ANXA8: variants seen among roughly 807,000 people sequenced by gnomAD.
ANXA8 encodes the protein annexin A8.
ANXA8 carries 9 observed loss-of-function variants against 26.8 expected under a neutral mutation model. The ratio of observed to expected loss-of-function variants is 0.34; its 90% CI spans 0.20 to 0.59. ANXA8 has a LOEUF of 0.59. Among genes scored for constraint, ANXA8 ranks in the 20% least tolerant of loss-of-function variants. ANXA8 has a pLI of 0.84. For missense variants in ANXA8, 83 were observed against 238.5 expected, an observed-to-expected ratio of 0.35 and a Z score of 4.29; for synonymous variants, 39 against 94.8, an observed-to-expected ratio of 0.41 and a Z score of 3.42.
the ANXA8 span, among the ~76,000 whole-genome samples, chr10:47,540,528 C>T: frequency 1.7e-5 from 2 of 117,014 alleles, no homozygotes; most frequent in African/African-American, 6.2e-5. Flanking sequence ...AAGCTAAAAA[C>T]GCATGATCCT....
At chr10:47,988,749 G>T in the ANXA8 span, among the ~76,000 whole-genome samples, 2 of 151,278 alleles carry the variant, frequency 1.3e-5, no homozygotes, top group African/African-American at 4.9e-5. Flanking sequence ...GGCCCAGAGA[G>T]TCTTCTCAGA....
chr10:47,683,078 T>G, the ANXA8 span, among the ~76,000 whole-genome samples: 3 of 152,258 alleles, frequency 2.0e-5, no homozygotes, highest in South Asian at 2.1e-4. Flanking sequence ...GCTATTACTT[T>G]GAGATACTAA....
chr10:47,717,867 G>A, the ANXA8 span, among the ~76,000 whole-genome samples: 16 of 151,818 alleles, frequency 1.1e-4, no homozygotes, highest in Admixed American at 2.0e-4. Context: ...GCATGATGTC[G>A]GGTGCCTGTA....
At chr10:47,699,874 TAAC>T in the ANXA8 span, among the ~76,000 whole-genome samples, 5 of 151,564 alleles carry the variant, frequency 3.3e-5, no homozygotes, top group East Asian at 1.9e-4. Context: ...TATACACAAA[TAAC>T]AAACAGAGGG....
the ANXA8 span, among the ~76,000 whole-genome samples, chr10:47,743,341 CATAT>C: frequency 7.8e-3 from 419 of 53,696 alleles, 9 homozygotes; most frequent in African/African-American, 0.02. Flanking sequence ...TATATATATA[CATAT>C]ATATATATAC....
At chr10:47,546,890 A>G in the ANXA8 span, among the ~76,000 whole-genome samples, 1 of 131,646 alleles carries the variant, frequency 7.6e-6, no homozygotes, top group African/African-American at 2.7e-5. Flanking sequence ...TTCAAAACCC[A>G]AAACCACAGA....
the ANXA8 span, among the ~76,000 whole-genome samples, chr10:47,957,800 C>A: frequency 6.7e-6 from 1 of 149,140 alleles, no homozygotes; most frequent in Admixed American, 6.7e-5. Flanking sequence ...CTCCCATAGC[C>A]TTCTCCTCTG....
At chr10:47,698,780 A>G in the ANXA8 span, among the ~76,000 whole-genome samples, 3 of 152,032 alleles carry the variant, frequency 2.0e-5, no homozygotes, top group Admixed American at 6.5e-5. Context: ...GTGAGCCATG[A>G]TTGTACCACA....
the ANXA8 span, chr10:47,762,655 A>G: frequency 1.3e-6 from 1 of 753,864 alleles, no homozygotes; most frequent in African/African-American, 2.0e-5. Context: ...CTGCTCCCGC[A>G]GGCTGGTCTC....
chr10:47,551,756 C>G, the ANXA8 span: 1 of 310,208 alleles, frequency 3.2e-6, no homozygotes, highest in Non-Finnish European at 6.1e-6. Flanking sequence ...GTGAAAGGAT[C>G]GAGACATCCA....
the ANXA8 span, among the ~76,000 whole-genome samples, chr10:47,951,216 G>A: frequency 9.3e-5 from 14 of 150,160 alleles, no homozygotes; most frequent in African/African-American, 3.2e-4. Flanking sequence ...TTTTTCAAAA[G>A]AAAAATTACT....
At chr10:47,633,647 A>T in the ANXA8 span, among the ~76,000 whole-genome samples, 726 of 114,358 alleles carry the variant, frequency 6.3e-3, 4 homozygotes, top group African/African-American at 0.029. Context: ...TCCCGCTCTG[A>T]AAAGCTTGTA....
the ANXA8 span, chr10:47,565,716 T>A: frequency 2.0e-6 from 1 of 502,766 alleles, no homozygotes; most frequent in Non-Finnish European, 3.1e-6. Flanking sequence ...GCGTCCTCGG[T>A]GCTTCAGCCC....
intron 9 of ANXA8, 129 bp downstream of exon 9, chr10:47,473,840 CG>C: frequency 4.4e-6 from 1 of 227,986 alleles, no homozygotes; most frequent in Non-Finnish European, 7.4e-6. Flanking sequence ...GAGTGTGAGT[CG>C]GGGGGACATC....
chr10:47,577,071 G>C, the ANXA8 span, among the ~76,000 whole-genome samples: 1 of 147,564 alleles, frequency 6.8e-6, no homozygotes, highest in African/African-American at 2.5e-5. Flanking sequence ...ATAGAAGGCA[G>C]TGGTGGTGTG....
At chr10:47,726,821 T>C in the ANXA8 span, 1 of 1,219,876 alleles carries the variant, frequency 8.2e-7, no homozygotes, top group Non-Finnish European at 1.2e-6. Context: ...GAAGGTCGTG[T>C]GTTGTTTACT....
chr10:47,687,517 G>C, the ANXA8 span, among the ~76,000 whole-genome samples: 2 of 151,708 alleles, frequency 1.3e-5, no homozygotes, highest in African/African-American at 4.8e-5. Context: ...CTCCCGCTTC[G>C]GCCTCTCAAA....
the ANXA8 span, among the ~76,000 whole-genome samples, chr10:47,650,581 C>T: frequency 8.2e-5 from 12 of 147,038 alleles, no homozygotes; most frequent in Middle Eastern, 3.9e-3. Flanking sequence ...CCAAGGTGGG[C>T]GGATCACGAG....
At chr10:47,485,574 A>G (rs1251000355), upstream of ANXA8, among the ~76,000 whole-genome samples, 1 of 152,060 alleles carries the variant, frequency 6.6e-6, no homozygotes, top group Non-Finnish European at 1.5e-5. Flanking sequence ...TTATTTTTTA[A>G]GCAAAACACC....
Sources: gnomAD v4.1 joint callset for allele counts (sites outside exome capture counted in the v4.1 genomes callset) on GRCh38, gnomAD v4.1.1 for gene constraint, MANE v1.5 for transcripts, NCBI Gene and HGNC (gene_info 2026-07-23, HGNC 2026-07-21) for gene names.